ARSB: variants seen among roughly 807,000 people sequenced by gnomAD.
ARSB encodes the protein N-acetylgalactosamine-4-sulfatase.
Under a neutral mutation model 50.9 loss-of-function variants are expected in ARSB, and 41 were observed. That is an observed-to-expected ratio of 0.81 (90% confidence interval 0.63 to 1.04). The LOEUF is 1.04. Among genes scored for constraint, ARSB ranks in the 50% least tolerant of loss-of-function variants. ARSB has a pLI of 0.00. For synonymous variants in ARSB, 269 were observed against 284.8 expected (o/e 0.94, Z 0.56); for missense variants, 672 against 693.3 (o/e 0.97, Z 0.35).
intron 6 of ARSB, among the ~76,000 whole-genome samples, chr5:78,836,517 C>T (rs1047524909): frequency 1.5e-4 from 23 of 152,292 alleles, no homozygotes; most frequent in Non-Finnish European, 2.1e-4. Flanking sequence ...ATAATTCTAC[C>T]ACATAATACA....
At position 78,780,671 on chromosome 5, in the gene ARSB, G is replaced by GAAAAC. The variant is rs780397796; in HGVS notation, c.1337-14_1337-10dup. ...GAACCAGTAACCACAGCCTAGCAAA[G>GAAAAC]AAAACAAAACAGTTTACTGAGGGAG... On this transcript the variant is annotated splice_polypyrimidine_tract_variant and intron_variant, in intron 7 of 7. Coordinates refer to ENST00000264914, the MANE Select transcript of ARSB (RefSeq NM_000046.5). 4 of 1,613,824 alleles carry GAAAAC rather than the reference G, an allele frequency of 2.5e-6. No homozygotes were observed. In the East Asian group the frequency reaches 8.9e-5, roughly 36 times the overall value.
intron 1 of ARSB, among the ~76,000 whole-genome samples, chr5:78,972,826 G>C (rs1298060874): frequency 6.6e-6 from 1 of 152,180 alleles, no homozygotes; most frequent in Non-Finnish European, 1.5e-5. Context: ...TAAGCCGTGG[G>C]CACCAAGCCA....
intron 4 of ARSB, among the ~76,000 whole-genome samples, chr5:78,944,785 A>T (rs971435384): frequency 1.3e-5 from 2 of 152,156 alleles, no homozygotes; most frequent in Non-Finnish European, 2.9e-5. Context: ...TGCTGGGAGA[A>T]CCACTACTCT....
chr5:78,791,116 A>G (rs1749222799), intron 6 of ARSB, among the ~76,000 whole-genome samples: 1 of 152,218 alleles, frequency 6.6e-6, no homozygotes. Context: ...GTGTGATGCC[A>G]CCTTCACTTA....
At position 78,955,367 on chromosome 5, in the gene ARSB, C is replaced by T. The variant is rs781369253; in HGVS notation, c.826G>A (p.Ala276Thr). 6.2e-7 allele frequency: 1 copy of T among 1,614,054 alleles called. No homozygotes were observed. The highest frequency in any genetic ancestry group is 1.3e-5 in the African/African-American group (1 of 74,932). ...AAAGCTGCAGTGACATTTCCTACTGCTTCATCCATAAGGGACACCATTCCT... is the reference window on the plus strand; with the variant it reads ...AAAGCTGCAGTGACATTTCCTACTGTTTCATCCATAAGGGACACCATTCCT... ...YAGMVSLMDEAVGNVTAALKS... is the reference protein window; with the variant it reads ...YAGMVSLMDETVGNVTAALKS... Residue 276 changes from alanine (A) to threonine (T), a missense_variant, in exon 4 of 8, where the codon GCA becomes ACA. Ala to Thr is a moderately conservative substitution (Grantham distance 58). Transcript: ENST00000264914.
intron 4 of ARSB, 132 bp from the exon 5 acceptor site, chr5:78,885,959 C>T (rs1748016224): frequency 7.0e-7 from 1 of 1,430,948 alleles, no homozygotes; most frequent in Non-Finnish European, 9.6e-7. Context: ...TGCCTTTTCC[C>T]ACCCTAAATT....
At chr5:78,968,568 C>T (rs1159041934) in intron 2 of ARSB, among the ~76,000 whole-genome samples, 2 of 152,012 alleles carry the variant, frequency 1.3e-5, no homozygotes, top group Non-Finnish European at 2.9e-5. Context: ...TCAGGATGGT[C>T]TCCATCTCCT....
chr5:78,888,977 C>T lies in ARSB; in HGVS notation c.899-3150G>A, dbSNP rs185405694. ...CTTCTCCAAGGCTCTCCTGGCATAG[C>T]GCCAACTGCAGATGTGGCCTCAGCA... On this transcript the variant is annotated intron_variant, in intron 4 of 7. Coordinates refer to ENST00000264914, the MANE Select transcript of ARSB (RefSeq NM_000046.5). 2.4e-3 allele frequency among the ~76,000 whole-genome samples: 364 copies of T among 152,334 alleles called. 4 individuals carry two copies. Among genetic ancestry groups the T allele is most frequent in the Admixed American group, 0.02 (303 of 15,314 alleles).
In ARSB at chr5:78,969,095, C is replaced by A. The variant is rs118203938; in HGVS notation, c.410G>T (p.Gly137Val). ...TTTTCCGACCATATGGGTAGTATAA[C>A]CTGCTTCTTTTAGGAGCTGGGGCAG... is the stretch of plus-strand genomic sequence containing the variant. Reference protein sequence around the residue: ...KLLPQLLKEAGYTTHMVGKWH... With the variant: ...KLLPQLLKEAVYTTHMVGKWH... The change falls in exon 2 of 8, where the codon GGT (glycine) becomes GTT (valine). Residue 137 changes from glycine to valine, a missense_variant. Transcript: ENST00000264914. 1 of 1,614,158 alleles carries A rather than the reference C, an allele frequency of 6.2e-7. No individual in the cohort carries two copies. Among genetic ancestry groups the A allele is most frequent in the Non-Finnish European group, 8.5e-7 (1 of 1,180,034 alleles).
intron 6 of ARSB, chr5:78,783,507 C>T (rs761623792): frequency 3.4e-4 from 52 of 152,104 alleles, no homozygotes; most frequent in Admixed American, 1.6e-3. Flanking sequence ...TCTTTAGCAC[C>T]AAAGAGGAAA....
intron 6 of ARSB, among the ~76,000 whole-genome samples, chr5:78,830,081 C>G (rs551471152): frequency 1.3e-4 from 20 of 152,286 alleles, no homozygotes; most frequent in Middle Eastern, 3.4e-3. Flanking sequence ...TGTTGAAATT[C>G]AAAATCAGCA....
intron 5 of ARSB, among the ~76,000 whole-genome samples, chr5:78,851,038 G>T (rs1001693969): frequency 6.6e-6 from 1 of 152,122 alleles, no homozygotes; most frequent in Non-Finnish European, 1.5e-5. Context: ...TTTTTGAAGG[G>T]TTTTTTGTGC....
chr5:78,878,563 G>GTTTTTTTTTT (rs35719104), intron 5 of ARSB, among the ~76,000 whole-genome samples: 1 of 147,414 alleles, frequency 6.8e-6, no homozygotes, highest in Non-Finnish European at 1.5e-5. Context: ...CATTTTATGT[G>GTTTTTTTTTT]TTTTTTTTTT....
At chr5:78,868,575 G>A (rs955216218) in intron 5 of ARSB, among the ~76,000 whole-genome samples, 5 of 143,754 alleles carry the variant, frequency 3.5e-5, no homozygotes, top group African/African-American at 7.8e-5. Flanking sequence ...CTTCATAAGT[G>A]AAGGAGAAAT....
intron 4 of ARSB, among the ~76,000 whole-genome samples, chr5:78,896,024 T>TA (rs953747681): frequency 1.3e-5 from 2 of 152,132 alleles, no homozygotes; most frequent in Non-Finnish European, 2.9e-5. Context: ...GATGAGAGGA[T>TA]AGCAAGACTC....
rs180049 is a variant in ARSB at position 78,886,027 on chromosome 5, T to C, written c.899-200A>G. On this transcript the variant is annotated intron_variant, in intron 4 of 7. Transcript: ENST00000264914. The stretch of plus-strand genomic sequence containing the variant: ...CAGACATAAGTAAGGCCCAGTGTGA[T>C]ACATATCTACCTTTAAATCCTCCAT... 0.4 allele frequency among the ~76,000 whole-genome samples: 61,134 copies of C among 152,004 alleles called. 12,646 individuals are homozygous for C. Among genetic ancestry groups the C allele is most frequent in the East Asian group, 0.62 (3,188 of 5,156 alleles).
At position 78,780,261 on chromosome 5, in the gene ARSB, T is replaced by TA. The variant is rs915800011; in HGVS notation, c.*135dup. On this transcript the variant is annotated 3_prime_UTR_variant, in exon 8 of 8. Coordinates refer to ENST00000264914, the MANE Select transcript of ARSB (RefSeq NM_000046.5). ...TCTTAAATGCATTAGGGGTTGAAAT[T>TA]AGACACCTCGGTGTGGTTTAAGAGC... 2 of 1,190,546 alleles carry TA rather than the reference T, an allele frequency of 1.7e-6. No individual in the cohort carries two copies. The highest frequency in any genetic ancestry group is 2.6e-5 in the South Asian group (2 of 77,016). The allele number at this position is 1,190,546 out of a possible 1,614,324, so 73.7% of individuals were successfully genotyped here.
intron 4 of ARSB, among the ~76,000 whole-genome samples, chr5:78,931,495 C>T (rs1323249760): frequency 6.6e-6 from 1 of 152,084 alleles, no homozygotes; most frequent in African/African-American, 2.4e-5. Context: ...CATCTTCCTC[C>T]AGCTGCCTGT....
At chr5:78,899,410 G>C (rs866359774) in intron 4 of ARSB, among the ~76,000 whole-genome samples, 1 of 152,216 alleles carries the variant, frequency 6.6e-6, no homozygotes. Context: ...TCTACCCCTT[G>C]CTCTCGCTTC....
Sources: gnomAD v4.1 joint callset for allele counts (sites outside exome capture counted in the v4.1 genomes callset) on GRCh38, gnomAD v4.1.1 for gene constraint, MANE v1.5 for transcripts, NCBI Gene and HGNC (gene_info 2026-07-23, HGNC 2026-07-21) for gene names.